Variants in ANKRD17 observed in about 807,000 individuals in gnomAD.
ANKRD17 encodes the protein ankyrin repeat domain-containing protein 17.
In ANKRD17, 19 loss-of-function variants were observed where a neutral mutation model predicts 229.7. The ratio of observed to expected loss-of-function variants is 0.08; its 90% CI spans 0.06 to 0.12. The LOEUF (loss-of-function observed/expected upper bound fraction) is 0.12, where lower values mean the gene tolerates loss of function less well. Among genes scored for constraint, ANKRD17 ranks in the 10% least tolerant of loss-of-function variants. The pLI, the probability that ANKRD17 is intolerant of heterozygous loss-of-function variation, is 1.00. For missense variants in ANKRD17, 2,176 were observed against 3,176.8 expected (o/e 0.68, Z 7.57); for synonymous variants, 1,112 against 1,146.1 (o/e 0.97, Z 0.60).
In ANKRD17 at chr4:73,129,926, C is replaced by T. The variant is rs192193805; in HGVS notation, c.3235-4614G>A. ...TACAGGTGCCTGCCACCACGCCTGG[C>T]TAATTTTTTTTTGTATTTTTAGTAG... On this transcript the variant is annotated intron_variant, in intron 16 of 33. Transcript: ENST00000358602. Among the ~76,000 whole-genome samples the T allele has an allele frequency of 3.7e-3, 568 of 151,902 alleles. 7 individuals are homozygous for T. The highest frequency in any genetic ancestry group is 0.012 in the African/African-American group (514 of 41,408).
chr4:73,078,214 T>C (rs1042102157), intron 31 of ANKRD17, among the ~76,000 whole-genome samples: 1 of 152,112 alleles, frequency 6.6e-6, no homozygotes, highest in African/African-American at 2.4e-5. Context: ...CCGTCTCTAC[T>C]AAAAATACAA....
intron 1 of ANKRD17, among the ~76,000 whole-genome samples, chr4:73,242,519 C>T (rs1302851793): frequency 6.6e-6 from 1 of 152,080 alleles, no homozygotes. Flanking sequence ...CAGTATTATA[C>T]ATATATTTCT....
chr4:73,144,758 G>T lies in ANKRD17; in HGVS notation c.1944C>A (p.Phe648Leu). Residue 648 changes from phenylalanine to leucine, a missense_variant, in exon 11 of 34, where the codon TTC (phenylalanine) becomes TTA (leucine). Coordinates refer to ENST00000358602, the MANE Select transcript of ANKRD17 (RefSeq NM_032217.5). ...ARAGHVCTVQ[F>L]LISKGANVNR... ...ATACAAACCTACCTTTACTAATTAA[G>T]AACTGAACAGTACAAACATGACCAG... 6.3e-7 allele frequency: 1 copy of T among 1,577,478 alleles called. No individual in the cohort carries two copies. The highest frequency in any genetic ancestry group is 8.6e-7 in the Non-Finnish European group (1 of 1,164,534).
chr4:73,205,045 G>A (rs1488932963), intron 1 of ANKRD17, among the ~76,000 whole-genome samples: 2 of 152,110 alleles, frequency 1.3e-5, no homozygotes, highest in Non-Finnish European at 2.9e-5. Flanking sequence ...CAGGCAGGGT[G>A]GCTCATGCTT....
rs748463495 is a variant in ANKRD17 at position 73,258,297 on chromosome 4, G to T, written c.372C>A (p.Asp124Glu). ...TTGCCTCAGAAACCTCCTCTTCCTC[G>T]TCGTCGTCGTCCTCTTCTTCCTCGC... Reference protein sequence around the residue: ...NNSEEEEDDDDEEEEVSEVES... With the variant: ...NNSEEEEDDDEEEEEVSEVES... The change falls in exon 1 of 34, where the codon GAC becomes GAA. Residue 124 changes from aspartate (D) to glutamate (E), a missense_variant. Physicochemically the swap from Asp to Glu is conservative, Grantham distance 45. Around this residue, in one of 18 missense-constraint regions of ANKRD17, gnomAD observed 196 missense variants for 190.0 expected, o/e 1.03. Transcript: ENST00000358602. 1 of 1,613,028 alleles carries T rather than the reference G, an allele frequency of 6.2e-7. No homozygotes were observed. The highest frequency in any genetic ancestry group is 8.5e-7 in the Non-Finnish European group (1 of 1,179,740).
At chr4:73,165,926 G>C (rs1733170946) in intron 2 of ANKRD17, among the ~76,000 whole-genome samples, 1 of 152,204 alleles carries the variant, frequency 6.6e-6, no homozygotes, top group Admixed American at 6.5e-5. Flanking sequence ...AAATTTGGAA[G>C]TAAATGTTCA....
chr4:73,085,110 A>G, intron 30 of ANKRD17, 139 bp downstream of exon 30: 1 of 882,742 alleles, frequency 1.1e-6, no homozygotes, highest in South Asian at 1.8e-5. Context: ...TTAAATACCT[A>G]GAAATTTTTT....
intron 1 of ANKRD17, among the ~76,000 whole-genome samples, chr4:73,191,716 C>T (rs1345287512): frequency 6.6e-6 from 1 of 151,768 alleles, no homozygotes; most frequent in Non-Finnish European, 1.5e-5. Context: ...ACAGAGTAGG[C>T]AATTCATAGG....
rs1217783354 is a variant in ANKRD17 at position 73,091,211 on chromosome 4, A to G, written c.6417T>C (p.Pro2139=). The G allele has an allele frequency of 6.2e-7, 1 of 1,614,238 alleles. No individual in the cohort carries two copies. The highest frequency in any genetic ancestry group is 8.5e-7 in the Non-Finnish European group (1 of 1,180,046). Residue 2139 remains proline, a synonymous_variant, in exon 29 of 34, where the codon CCT becomes CCC. Coordinates refer to ENST00000358602, the MANE Select transcript of ANKRD17 (RefSeq NM_032217.5). ...CCACTGGAGCAGAACTTGTTGCTAA[A>G]GGAGGAACAGTCATTCTAACTTCCG... The part of the protein sequence containing the change: ...PPPEVRMTVP[P]LATSSAPVAV...
At chr4:73,102,298 C>A in intron 25 of ANKRD17, 78 bp downstream of exon 25, 1 of 1,432,858 alleles carries the variant, frequency 7.0e-7, no homozygotes, top group South Asian at 1.4e-5. Context: ...AGCATATTTT[C>A]AAGAGTGACT....
At chr4:73,112,735 T>C (rs1725465389) in intron 24 of ANKRD17, 2 of 789,796 alleles carry the variant, frequency 2.5e-6, no homozygotes, top group Non-Finnish European at 3.1e-6. Flanking sequence ...GCATCTCCTT[T>C]ATAAATTTAA....
intron 16 of ANKRD17, among the ~76,000 whole-genome samples, chr4:73,126,838 G>A (rs1274135914): frequency 5.9e-5 from 9 of 152,044 alleles, no homozygotes; most frequent in Admixed American, 3.3e-4. Context: ...TTCACGCAAC[G>A]CTCCCTGCCT....
chr4:73,147,670 G>A (rs1730463030), intron 8 of ANKRD17, among the ~76,000 whole-genome samples: 1 of 151,840 alleles, frequency 6.6e-6, no homozygotes, highest in Non-Finnish European at 1.5e-5. Context: ...TCAGCCAGAA[G>A]GTACAAGTCG....
At chr4:73,248,013 C>T (rs540851174) in intron 1 of ANKRD17, among the ~76,000 whole-genome samples, 2 of 152,024 alleles carry the variant, frequency 1.3e-5, no homozygotes, top group East Asian at 1.9e-4. Flanking sequence ...TTATATGTAA[C>T]GCTATATTTA....
At chr4:73,202,688 C>T (rs971950104) in intron 1 of ANKRD17, among the ~76,000 whole-genome samples, 4 of 152,120 alleles carry the variant, frequency 2.6e-5, no homozygotes, top group Non-Finnish European at 4.4e-5. Flanking sequence ...AGCTGATTTT[C>T]AAGTAACCTT....
intron 2 of ANKRD17, among the ~76,000 whole-genome samples, chr4:73,164,347 T>C (rs1459008091): frequency 6.6e-6 from 1 of 152,252 alleles, no homozygotes; most frequent in African/African-American, 2.4e-5. Context: ...TAAAGATAAC[T>C]ATTTTAATAA....
chr4:73,087,929 G>A (rs886254393), intron 29 of ANKRD17, among the ~76,000 whole-genome samples: 1 of 151,258 alleles, frequency 6.6e-6, no homozygotes, highest in Non-Finnish European at 1.5e-5. Flanking sequence ...CAAGAGAGGG[G>A]GAAGAAAAGG....
chr4:73,189,054 C>T (rs1464619257), intron 1 of ANKRD17, among the ~76,000 whole-genome samples: 1 of 152,124 alleles, frequency 6.6e-6, no homozygotes, highest in Non-Finnish European at 1.5e-5. Flanking sequence ...GGCACCTAAA[C>T]CCAAATGAAT....
chr4:73,171,210 A>C (rs1733982503), intron 2 of ANKRD17, among the ~76,000 whole-genome samples: 1 of 151,506 alleles, frequency 6.6e-6, no homozygotes, highest in South Asian at 2.1e-4. Context: ...AGAGAGAGAG[A>C]GAGAGAGAGA....
Sources: gnomAD v4.1 joint callset for allele counts (sites outside exome capture counted in the v4.1 genomes callset) on GRCh38, gnomAD v4.1.1 for gene constraint, gnomAD v4.1.1 regional missense constraint, MANE v1.5 for transcripts, NCBI Gene and HGNC (gene_info 2026-07-23, HGNC 2026-07-21) for gene names.